EEPD1: variants seen among roughly 807,000 people sequenced by gnomAD.
EEPD1 encodes the protein endonuclease/exonuclease/phosphatase family domain containing 1, also known as endonuclease/exonuclease/phosphatase family domain-containing protein 1.
Under a neutral mutation model 46.3 loss-of-function variants are expected in EEPD1, and 17 were observed. The observed-to-expected ratio is 0.37, with a 90% CI of 0.25 to 0.55. The LOEUF is 0.55. EEPD1 is among the 20% of genes least tolerant of loss of function. The pLI is 0.83. For missense variants in EEPD1, 673 were observed against 745.6 expected, an observed-to-expected ratio of 0.90 and a Z score of 1.13; for synonymous variants, 313 against 315.6, an observed-to-expected ratio of 0.99 and a Z score of 0.09.
chr7:36,264,856 C>T (rs1786987219), intron 3 of EEPD1, among the ~76,000 whole-genome samples: 1 of 152,016 alleles, frequency 6.6e-6, no homozygotes. Context: ...AGGACATTCT[C>T]CAAAGTGAGA....
chr7:36,246,229 G>A (rs1562700723), intron 3 of EEPD1, among the ~76,000 whole-genome samples: 1 of 152,084 alleles, frequency 6.6e-6, no homozygotes, highest in Non-Finnish European at 1.5e-5. Context: ...CAGTGCTGCC[G>A]CTCCCAGATC....
At chr7:36,183,840 G>A (rs975911829) in intron 2 of EEPD1, among the ~76,000 whole-genome samples, 3 of 147,028 alleles carry the variant, frequency 2.0e-5, no homozygotes, top group Non-Finnish European at 4.5e-5. Flanking sequence ...TGGGCCCACA[G>A]CCTTTCTGTT....
In EEPD1 at chr7:36,281,176, G is replaced by C; in HGVS notation, c.992G>C (p.Gly331Ala). ...ATCCGCAAGTGGAAGGGGCCCCGGG[G>C]ATGCTGGAAGGCTGTTGTTGCTGAG... ...PNIRKWKGPRGCWKAVVAEKP... is the reference protein window; with the variant it reads ...PNIRKWKGPRACWKAVVAEKP... The change falls in exon 4 of 8, where the codon GGA (glycine) becomes GCA (alanine). Residue 331 changes from glycine (G) to alanine (A), a missense_variant. By Grantham distance (60) the Gly-to-Ala change is moderately conservative. Transcript: ENST00000242108. 1.9e-6 allele frequency: 3 copies of C among 1,614,218 alleles called. No homozygotes were observed. Among genetic ancestry groups the C allele is most frequent in the Non-Finnish European group, 2.5e-6 (3 of 1,180,046 alleles).
intron 3 of EEPD1, among the ~76,000 whole-genome samples, chr7:36,258,669 TC>T (rs1403558916): frequency 2.0e-5 from 3 of 151,772 alleles, no homozygotes; most frequent in African/African-American, 7.3e-5. Flanking sequence ...CGGACGCCCC[TC>T]CCCCCACCAG....
At chr7:36,281,909 A>T (rs2115871893) in intron 4 of EEPD1, among the ~76,000 whole-genome samples, 1 of 152,340 alleles carries the variant, frequency 6.6e-6, no homozygotes, top group East Asian at 1.9e-4. Flanking sequence ...TCCCTAGTAT[A>T]CCTAACATGC....
chr7:36,153,405 C>G lies in EEPD1; in HGVS notation c.-462C>G, dbSNP rs1025363062. On this transcript the variant is annotated 5_prime_UTR_variant, in exon 1 of 8. Transcript: ENST00000242108. ...GCGCCGCCGCAAGCCCCGGTGCAGCCTCGGCGGCGGGTTTCGCCGCCGCTG... is the reference window on the plus strand; with the variant it reads ...GCGCCGCCGCAAGCCCCGGTGCAGCGTCGGCGGCGGGTTTCGCCGCCGCTG... 3 of 152,236 alleles carry G rather than the reference C, an allele frequency of 2.0e-5. No individual in the cohort carries two copies. Among genetic ancestry groups the G allele is most frequent in the African/African-American group, 7.2e-5 (3 of 41,454 alleles). The allele number at this position is 152,236 out of a possible 1,614,324, so 9.4% of individuals were successfully genotyped here. A position where few individuals can be genotyped will look rare whatever the true frequency, so the allele number is the denominator to read the frequency against.
chr7:36,185,815 C>T (rs779759135), intron 2 of EEPD1, among the ~76,000 whole-genome samples: 3 of 152,144 alleles, frequency 2.0e-5, no homozygotes, highest in Non-Finnish European at 4.4e-5. Context: ...TTTGGCGTGT[C>T]GGTAAGCTTT....
chr7:36,191,845 C>T (rs890088370), intron 2 of EEPD1, among the ~76,000 whole-genome samples: 2 of 152,192 alleles, frequency 1.3e-5, no homozygotes, highest in Non-Finnish European at 2.9e-5. Context: ...TCTCAGGGAG[C>T]TATCATGGAC....
At chr7:36,255,915 G>A (rs368630958) in intron 3 of EEPD1, among the ~76,000 whole-genome samples, 2 of 152,090 alleles carry the variant, frequency 1.3e-5, no homozygotes, top group Non-Finnish European at 2.9e-5. Context: ...TAAATGTGAT[G>A]TGAGGGTGTC....
intron 3 of EEPD1, among the ~76,000 whole-genome samples, chr7:36,258,303 T>C (rs1025292714): frequency 1.3e-5 from 2 of 152,078 alleles, no homozygotes; most frequent in African/African-American, 4.8e-5. Flanking sequence ...AGGCACAGGG[T>C]CAGGGACCCA....
intron 2 of EEPD1, among the ~76,000 whole-genome samples, chr7:36,156,943 C>T (rs138781957): frequency 1.3e-5 from 2 of 151,958 alleles, no homozygotes. Context: ...GTTCCACATC[C>T]ATGGATTCAA....
intron 2 of EEPD1, among the ~76,000 whole-genome samples, chr7:36,160,141 A>C (rs1479576797): frequency 6.6e-6 from 1 of 152,278 alleles, no homozygotes; most frequent in South Asian, 2.1e-4. Context: ...TTACTCACTC[A>C]TTCACCCATC....
chr7:36,230,858 T>C (rs1018143035), intron 2 of EEPD1: 1 of 152,194 alleles, frequency 6.6e-6, no homozygotes, highest in African/African-American at 2.4e-5. Context: ...ATACAGTGAA[T>C]GAATGGATCC....
intron 3 of EEPD1, among the ~76,000 whole-genome samples, chr7:36,243,955 A>C (rs1013518385): frequency 6.6e-6 from 1 of 151,606 alleles, no homozygotes; most frequent in Non-Finnish European, 1.5e-5. Flanking sequence ...CTAAATGACG[A>C]GTTAATGGGT....
At chr7:36,223,699 G>A (rs1205568270) in intron 2 of EEPD1, among the ~76,000 whole-genome samples, 3 of 152,180 alleles carry the variant, frequency 2.0e-5, no homozygotes, top group Admixed American at 6.5e-5. Flanking sequence ...AATAGAAATC[G>A]AAATCCCTGC....
intron 6 of EEPD1, among the ~76,000 whole-genome samples, chr7:36,290,376 G>C (rs11770421): frequency 0.18 from 26,760 of 151,844 alleles, 2,660 homozygotes; most frequent in Non-Finnish European, 0.18. Context: ...TGTGTCCCCT[G>C]CTTGTAACTA....
chr7:36,255,395 A>T (rs911594218), intron 3 of EEPD1, among the ~76,000 whole-genome samples: 1 of 152,160 alleles, frequency 6.6e-6, no homozygotes, highest in African/African-American at 2.4e-5. Flanking sequence ...TAAATAGGGA[A>T]CCCTTTCTCC....
chr7:36,198,834 C>T (rs902591768), intron 2 of EEPD1, among the ~76,000 whole-genome samples: 1 of 152,024 alleles, frequency 6.6e-6, no homozygotes, highest in Non-Finnish European at 1.5e-5. Flanking sequence ...TCTGGTGAAG[C>T]CCGCCTTCTC....
chr7:36,264,442 A>G (rs1299541083), intron 3 of EEPD1, among the ~76,000 whole-genome samples: 2 of 152,180 alleles, frequency 1.3e-5, no homozygotes, highest in Non-Finnish European at 2.9e-5. Flanking sequence ...GAGCCATCAC[A>G]TGGACCACAT....
Sources: gnomAD v4.1 joint callset for allele counts (sites outside exome capture counted in the v4.1 genomes callset) on GRCh38, gnomAD v4.1.1 for gene constraint, MANE v1.5 for transcripts, NCBI Gene and HGNC (gene_info 2026-07-23, HGNC 2026-07-21) for gene names.